Variants in ABCA4 observed in about 807,000 individuals in gnomAD.
The protein encoded by ABCA4 is ATP binding cassette subfamily A member 4.
In ABCA4, 196 loss-of-function variants were observed where a neutral mutation model predicts 263.7. The observed-to-expected ratio is 0.74, with a 90% CI of 0.66 to 0.84. ABCA4 has a LOEUF of 0.84. Among genes scored for constraint, ABCA4 ranks in the 40% least tolerant of loss-of-function variants. The probability of loss-of-function intolerance (pLI) is 0.00; values close to 1 mark genes in which losing one functional copy is unlikely to be tolerated. For missense variants in ABCA4, 2,792 were observed against 2,855.1 expected (o/e 0.98, Z 0.50); for synonymous variants, 1,133 against 1,094.2 (o/e 1.04, Z -0.70).
intron 23 of ABCA4, 101 bp from the exon 24 acceptor site, chr1:94,040,228 A>G: frequency 1.1e-6 from 1 of 937,370 alleles, no homozygotes. Flanking sequence ...TTTATTTCTC[A>G]CTGCCAAGTG....
At chr1:94,089,439 T>A (rs1476555682) in intron 6 of ABCA4, among the ~76,000 whole-genome samples, 1 of 152,132 alleles carries the variant, frequency 6.6e-6, no homozygotes, top group Non-Finnish European at 1.5e-5. Flanking sequence ...GGCTAATTGA[T>A]ATAAACCAGA....
chr1:93,997,778 C>T (rs1490813622), intron 48 of ABCA4, 83 bp downstream of exon 48: 2 of 1,574,560 alleles, frequency 1.3e-6, no homozygotes, highest in Non-Finnish European at 1.7e-6. Flanking sequence ...AATGTTATGC[C>T]TCCCTCTTAT....
intron 42 of ABCA4, 29 bp downstream of exon 42, chr1:94,008,206 C>A: frequency 6.2e-7 from 1 of 1,611,426 alleles, no homozygotes. Context: ...GTTCGGAAGC[C>A]TTTCACACGT....
intron 6 of ABCA4, among the ~76,000 whole-genome samples, chr1:94,093,412 T>A (rs1662029599): frequency 6.6e-6 from 1 of 152,236 alleles, no homozygotes; most frequent in South Asian, 2.1e-4. Flanking sequence ...TAAGAGCTAC[T>A]GTTCTGTAGA....
intron 36 of ABCA4, among the ~76,000 whole-genome samples, chr1:94,016,883 A>C (rs1281678535): frequency 6.6e-6 from 1 of 151,994 alleles, no homozygotes; most frequent in Non-Finnish European, 1.5e-5. Context: ...CTTCTTGGGG[A>C]GAGGGTAGGA....
At chr1:94,001,418 G>T (rs1220635521) in intron 45 of ABCA4, 2 of 506,244 alleles carry the variant, frequency 4.0e-6, no homozygotes, top group East Asian at 3.7e-5. Context: ...AGGCAGGGAG[G>T]TCACTCAGGT....
chr1:94,120,062 G>T (rs1047254051), intron 1 of ABCA4, among the ~76,000 whole-genome samples: 9 of 152,136 alleles, frequency 5.9e-5, no homozygotes, highest in Admixed American at 5.2e-4. Flanking sequence ...GTAGCAAAGT[G>T]CATTCTTTCT....
At chr1:94,003,507 G>T (rs1022683505) in intron 44 of ABCA4, among the ~76,000 whole-genome samples, 9 of 151,900 alleles carry the variant, frequency 5.9e-5, no homozygotes, top group Non-Finnish European at 1.5e-5. Context: ...ATGTCCATCT[G>T]CCCCTTATGG....
chr1:94,111,346 G>A (rs1662595960), intron 3 of ABCA4, 92 bp downstream of exon 3: 2 of 1,519,328 alleles, frequency 1.3e-6, no homozygotes, highest in Non-Finnish European at 1.8e-6. Context: ...AGAACACTCA[G>A]TGCTCCATGC....
chr1:93,993,636 A>G (rs1280370874), intron 49 of ABCA4, among the ~76,000 whole-genome samples: 1 of 152,120 alleles, frequency 6.6e-6, no homozygotes, highest in Non-Finnish European at 1.5e-5. Flanking sequence ...GCCCTGAGGT[A>G]TAGAATTCCC....
At chr1:94,029,113 T>G (rs1379802787) in intron 30 of ABCA4, among the ~76,000 whole-genome samples, 1 of 152,160 alleles carries the variant, frequency 6.6e-6, no homozygotes, top group African/African-American at 2.4e-5. Flanking sequence ...AGCGATGATT[T>G]TTTTTCCTTC....
At chr1:94,021,561 G>T in intron 34 of ABCA4, 79 bp downstream of exon 34, 1 of 1,505,504 alleles carries the variant, frequency 6.6e-7, no homozygotes, top group South Asian at 1.2e-5. Flanking sequence ...GGAATTTAAT[G>T]AAGGTAGGAA....
intron 32 of ABCA4, among the ~76,000 whole-genome samples, chr1:94,022,264 A>T (rs994615223): frequency 8.5e-5 from 13 of 152,062 alleles, no homozygotes; most frequent in Non-Finnish European, 5.9e-5. Context: ...AGAGCTCCTC[A>T]TGGCCCAGAC....
Position 94,010,783 on chromosome 1 carries a change from G to A in ABCA4, c.5714+17C>T, listed in dbSNP as rs2101007354. The A allele has an allele frequency of 1.9e-6, 3 of 1,614,140 alleles. No homozygotes were observed. The highest frequency in any genetic ancestry group is 2.5e-6 in the Non-Finnish European group (3 of 1,180,010). Reference sequence around the variant, plus strand: ...GCCCTGAGCTGCCCACTGGCCCAGGGTGTGGCATGGACGTACCATTGGGAG... The same window carrying A: ...GCCCTGAGCTGCCCACTGGCCCAGGATGTGGCATGGACGTACCATTGGGAG... On this transcript the variant is annotated intron_variant, in intron 40 of 49. Coordinates refer to ENST00000370225, the MANE Select transcript of ABCA4 (RefSeq NM_000350.3).
chr1:94,022,391 C>T (rs924723273), intron 32 of ABCA4, among the ~76,000 whole-genome samples: 4 of 152,208 alleles, frequency 2.6e-5, no homozygotes, highest in African/African-American at 9.6e-5. Context: ...CTCCTCCCAT[C>T]CCAGCCAAGG....
intron 6 of ABCA4, among the ~76,000 whole-genome samples, chr1:94,098,475 A>G (rs1662192273): frequency 6.6e-6 from 1 of 152,232 alleles, no homozygotes; most frequent in Non-Finnish European, 1.5e-5. Flanking sequence ...AGGAAATAGC[A>G]GGTCAGGGAG....
At chr1:94,027,352 C>T (rs1660070734) in intron 30 of ABCA4, among the ~76,000 whole-genome samples, 2 of 152,176 alleles carry the variant, frequency 1.3e-5, no homozygotes, top group African/African-American at 4.8e-5. Flanking sequence ...GCTTGGCCTC[C>T]CCTCCCTCGC....
In ABCA4 at chr1:94,042,879, C is replaced by G. The variant is rs113398504; in HGVS notation, c.3210G>C (p.Leu1070=). The G allele has an allele frequency of 8.7e-6, 14 of 1,614,234 alleles. No individual in the cohort carries two copies. The highest frequency in any genetic ancestry group is 1.6e-4 in the Middle Eastern group (1 of 6,062). ...QDLSGGMQRK[L]SVAIAFVGDA... is the part of the protein sequence containing the mutation. ...CTCCCACAAAGGCAATGGCAACCGA[C>G]AGCTTTCTCTGCATGCCACCTGGAG... Residue 1070 remains leucine (L), a synonymous_variant, in exon 22 of 50, where the codon CTG becomes CTC. Transcript: ENST00000370225.
At chr1:94,036,039 C>A (rs934788991) in intron 26 of ABCA4, among the ~76,000 whole-genome samples, 4 of 152,084 alleles carry the variant, frequency 2.6e-5, no homozygotes, top group Admixed American at 2.6e-4. Flanking sequence ...AGGAGACTGA[C>A]GTCTGAGTTG....
Sources: allele counts gnomAD v4.1 joint callset (sites outside exome capture counted in the v4.1 genomes callset), GRCh38; gene constraint gnomAD v4.1.1; transcripts MANE v1.5; gene names NCBI Gene and HGNC (gene_info 2026-07-23, HGNC 2026-07-21).